BOD1L1: variants seen among roughly 807,000 people sequenced by gnomAD.
BOD1L1 encodes the protein biorientation of chromosomes in cell division protein 1-like 1.
In BOD1L1, 86 loss-of-function variants were observed where a neutral mutation model predicts 240.7. That is an observed-to-expected ratio of 0.36 (90% confidence interval 0.30 to 0.43). The LOEUF (loss-of-function observed/expected upper bound fraction) is 0.43. Ranked by LOEUF, BOD1L1 falls within the 20% of genes least tolerant of loss-of-function variation. BOD1L1 has a pLI of 1.00. For synonymous variants in BOD1L1, 1,268 were observed against 1,272.3 expected, an observed-to-expected ratio of 1.00 and a Z score of 0.07; for missense variants, 3,554 against 3,643.5, an observed-to-expected ratio of 0.98 and a Z score of 0.63.
At chr4:13,607,342 C>T (rs1410973613) in intron 8 of BOD1L1, among the ~76,000 whole-genome samples, 153 bp from the exon 9 acceptor site, 1 of 151,986 alleles carries the variant, frequency 6.6e-6, no homozygotes, top group Non-Finnish European at 1.5e-5. Flanking sequence ...TCTTGTTGCC[C>T]AGGCTGGAGT....
At chr4:13,616,383 G>C (rs1716595477) in intron 2 of BOD1L1, among the ~76,000 whole-genome samples, 2 of 152,160 alleles carry the variant, frequency 1.3e-5, no homozygotes, top group East Asian at 1.9e-4. Flanking sequence ...AGAAGAGAAG[G>C]GGAAGAAAGA....
rs777634690 is a variant in BOD1L1 at position 13,600,069 on chromosome 4, G to T, written c.6831C>A (p.Gly2277=). The change falls in exon 10 of 26, where the codon GGC becomes GGA. Residue 2277 remains glycine, a synonymous_variant. Coordinates refer to ENST00000040738, the MANE Select transcript of BOD1L1 (RefSeq NM_148894.3). ...CTTCCGCTGGTGTGACTGAGGGGTC[G>T]CCTTCCTCTTGAGGGACAGCACTGG... The part of the protein sequence containing the change: ...PVSSAVPQEE[G]DPSVTPAEEM... 1 of 1,612,868 alleles carries T rather than the reference G, an allele frequency of 6.2e-7. No homozygotes were observed. The highest frequency in any genetic ancestry group is 8.5e-7 in the Non-Finnish European group (1 of 1,179,448).
rs1295965978 is a variant in BOD1L1 at position 13,596,019 on chromosome 4, C to CA, written c.8020-76dup. 1.7e-3 allele frequency: 1,942 copies of CA among 1,161,210 alleles called. 2 individuals carry two copies. The highest frequency in any genetic ancestry group is 0.01 in the Middle Eastern group (50 of 4,982). 71.9% of individuals were successfully genotyped at this position (1,161,210 alleles called of 1,614,324 possible). On this transcript the variant is annotated intron_variant, in intron 11 of 25. Transcript: ENST00000040738. ...GAAGACTAACCTCAAGTGAATTAAA[C>CA]AAAAAAAAACCCAGCATCCTGAAAC...
In BOD1L1 at chr4:13,581,151, T is replaced by G. The variant is rs1371772380; in HGVS notation, c.8649A>C (p.Val2883=). 5 of 1,577,222 alleles carry G rather than the reference T, an allele frequency of 3.2e-6. No homozygotes were observed. The highest frequency in any genetic ancestry group is 4.3e-6 in the Non-Finnish European group (5 of 1,159,370). ...RKRGRPRKYP[V]ETTLKMKDDS... The stretch of plus-strand genomic sequence containing the variant: ...ACCTACTCATTTTTAACGTTGTTTC[T>G]ACAGGGTATTTGCGAGGTCTTCCTC... The change falls in exon 20 of 26, where the codon GTA becomes GTC. Residue 2883 remains valine (V), a synonymous_variant. Coordinates refer to ENST00000040738, the MANE Select transcript of BOD1L1 (RefSeq NM_148894.3).
chr4:13,607,046 T>G, intron 9 of BOD1L1, 71 bp downstream of exon 9: 1 of 1,044,206 alleles, frequency 9.6e-7, no homozygotes, highest in South Asian at 1.7e-5. Flanking sequence ...CATTCTAAGT[T>G]TTACTCCAAA....
Position 13,613,631 on chromosome 4 carries a change from C to A in BOD1L1, c.1205G>T (p.Gly402Val). 1 of 1,584,540 alleles carries A rather than the reference C, an allele frequency of 6.3e-7. No individual in the cohort carries two copies. The highest frequency in any genetic ancestry group is 8.6e-7 in the Non-Finnish European group (1 of 1,162,142). ...AGAGCTAACTGTGATGTCTGTAAGT[C>A]CATCCACATCAGAATCTATCAAAGA... Reference protein sequence around the residue: ...DFSLIDSDVDGLTDITVSSVH... With the variant: ...DFSLIDSDVDVLTDITVSSVH... The change falls in exon 5 of 26, where the codon GGA (glycine) becomes GTA (valine). Residue 402 changes from glycine to valine, a missense_variant. Transcript: ENST00000040738. The surrounding 1 kb of genome is among the most constrained non-coding windows in gnomAD (Gnocchi z 4.0).
chr4:13,612,417 C>T (rs1419339819), intron 5 of BOD1L1, among the ~76,000 whole-genome samples: 2 of 152,146 alleles, frequency 1.3e-5, no homozygotes, highest in African/African-American at 2.4e-5. Context: ...GAAGCACAGA[C>T]TCGGGTTTGA....
At position 13,615,348 on chromosome 4, in the gene BOD1L1, C is replaced by T. The variant is rs765506997; in HGVS notation, c.523G>A (p.Asp175Asn). Residue 175 changes from aspartate to asparagine, a missense_variant, in exon 3 of 26, where the codon GAT becomes AAT. Coordinates refer to ENST00000040738, the MANE Select transcript of BOD1L1 (RefSeq NM_148894.3). ...KEEGSGNTAP[D>N]DEKPDTSLIT... ...AGGGAAGTGTCTGGTTTCTCATCAT[C>T]GGGAGCTGTGTTGCCACTTCCTTCC... The T allele has an allele frequency of 1.1e-5, 18 of 1,612,768 alleles. No homozygotes were observed. The highest frequency in any genetic ancestry group is 2.2e-5 in the East Asian group (1 of 44,872).
At chr4:13,595,592 G>T (rs1451751884) in intron 12 of BOD1L1, among the ~76,000 whole-genome samples, 1 of 152,176 alleles carries the variant, frequency 6.6e-6, no homozygotes, top group Non-Finnish European at 1.5e-5. Context: ...GCAAGAGTTT[G>T]CTCCAAAACA....
chr4:13,625,162 T>C (rs1162834090), intron 1 of BOD1L1: 1 of 152,234 alleles, frequency 6.6e-6, no homozygotes, highest in Non-Finnish European at 1.5e-5. Flanking sequence ...TGCCTCGGAA[T>C]GGAAGAGTTT....
At chr4:13,595,315 G>A (rs1714533543) in intron 12 of BOD1L1, among the ~76,000 whole-genome samples, 1 of 152,166 alleles carries the variant, frequency 6.6e-6, no homozygotes, top group African/African-American at 2.4e-5. Flanking sequence ...AGACCAAAAC[G>A]TTTAAGAGCT....
chr4:13,582,938 A>C (rs181606259), intron 17 of BOD1L1, among the ~76,000 whole-genome samples: 174 of 152,362 alleles, frequency 1.1e-3, no homozygotes, highest in African/African-American at 4.1e-3. Context: ...AGAACAGAAA[A>C]GCATGAGATA....
chr4:13,623,864 T>A (rs1717204757), intron 1 of BOD1L1: 1 of 152,204 alleles, frequency 6.6e-6, no homozygotes, highest in Non-Finnish European at 1.5e-5. Flanking sequence ...AGCAGGTCAG[T>A]CTTTGAGGTT....
chr4:13,573,314 G>A (rs1340202684), intron 25 of BOD1L1, among the ~76,000 whole-genome samples: 1 of 152,150 alleles, frequency 6.6e-6, no homozygotes, highest in Admixed American at 6.5e-5. Flanking sequence ...TTGAGGCTCA[G>A]TAATGAGGAT....
chr4:13,599,181 G>A lies in BOD1L1; in HGVS notation c.7719C>T (p.Gly2573=), dbSNP rs201095193. Residue 2573 remains glycine (G), a synonymous_variant, in exon 10 of 26, where the codon GGC becomes GGT. Coordinates refer to ENST00000040738, the MANE Select transcript of BOD1L1 (RefSeq NM_148894.3). The stretch of plus-strand genomic sequence containing the variant: ...GGGAAGGAGCAATTTTTGATTCTTG[G>A]CCAGTAATACATTTGGTGGTACTGG... ...LKTSTTKCIT[G]QESKIAPSHT... is the part of the protein sequence containing the mutation. 370 of 1,613,982 alleles carry A rather than the reference G, an allele frequency of 2.3e-4. 1 individual carries two copies. The highest frequency in any genetic ancestry group is 2.0e-3 in the South Asian group (179 of 91,088).
chr4:13,598,904 C>T, intron 10 of BOD1L1, 42 bp downstream of exon 10: 4 of 1,543,804 alleles, frequency 2.6e-6, no homozygotes, highest in Non-Finnish European at 3.5e-6. Context: ...GTACAATCAT[C>T]CTTGTAAATA....
At position 13,577,637 on chromosome 4, in the gene BOD1L1, A is replaced by T. The variant is rs1410378844; in HGVS notation, c.8750-6T>A. On this transcript the variant is annotated splice_region_variant and splice_polypyrimidine_tract_variant and intron_variant, in intron 22 of 25. Transcript: ENST00000040738. ...TGTTTCTTTATTGGATTCATCTTTA[A>T]GAAAAGGGAAATCTCTGCATTAATA... is the stretch of plus-strand genomic sequence containing the variant. The T allele has an allele frequency of 6.5e-7, 1 of 1,543,612 alleles. No individual in the cohort carries two copies. The highest frequency in any genetic ancestry group is 8.8e-7 in the Non-Finnish European group (1 of 1,135,764).
Position 13,599,484 on chromosome 4 carries a change from T to C in BOD1L1, c.7416A>G (p.Glu2472=), listed in dbSNP as rs373306275. 6.2e-7 allele frequency: 1 copy of C among 1,613,910 alleles called. No individual in the cohort carries two copies. Among genetic ancestry groups the C allele is most frequent in the Non-Finnish European group, 8.5e-7 (1 of 1,179,904 alleles). ...KNVLLNSLQK[E]DKSPETGTAG... is the part of the protein sequence containing the mutation. ...CTGTCCCTGTCTCTGGGCTCTTATC[T>C]TCTTTCTGAAGGGAGTTCAACAATA... The change falls in exon 10 of 26, where the codon GAA becomes GAG. Residue 2472 remains glutamate, a synonymous_variant. Coordinates refer to ENST00000040738, the MANE Select transcript of BOD1L1 (RefSeq NM_148894.3).
Position 13,626,453 on chromosome 4 carries a change from C to T in BOD1L1, c.243+892G>A, listed in dbSNP as rs114525273. On this transcript the variant is annotated intron_variant, in intron 1 of 25. Transcript: ENST00000040738. ...TAATTTTCCAACATGCTTTCTGCTT[C>T]CAGAATTCTAGACTGTACTGTGGTT... is the stretch of plus-strand genomic sequence containing the variant. The T allele has an allele frequency of 4.3e-3, 672 of 154,968 alleles. 5 individuals are homozygous for T. The highest frequency in any genetic ancestry group is 0.015 in the African/African-American group (634 of 41,612). 9.6% of individuals were successfully genotyped at this position (154,968 alleles called of 1,614,324 possible).
Sources: gnomAD v4.1 joint callset for allele counts (sites outside exome capture counted in the v4.1 genomes callset) on GRCh38, gnomAD v4.1.1 for gene constraint, Gnocchi (gnomAD v3.1) non-coding constraint, MANE v1.5 for transcripts, NCBI Gene and HGNC (gene_info 2026-07-23, HGNC 2026-07-21) for gene names.